CYB5RL: variants seen among roughly 807,000 people sequenced by gnomAD.
CYB5RL encodes NADH-cytochrome b5 reductase-like.
CYB5RL carries 38 observed loss-of-function variants against 37.5 expected under a neutral mutation model. The observed-to-expected ratio is 1.01, with a 90% CI of 0.78 to 1.33. The LOEUF is 1.33. Ranked by LOEUF, CYB5RL falls within the 40% of genes most tolerant of loss-of-function variation. CYB5RL has a pLI of 0.00. For synonymous variants in CYB5RL, 141 were observed against 151.9 expected (o/e 0.93, Z 0.53); for missense variants, 388 against 394.4 (o/e 0.98, Z 0.14).
At chr1:54,176,967 C>G (rs1660035891) in intron 7 of CYB5RL, among the ~76,000 whole-genome samples, 1 of 152,152 alleles carries the variant, frequency 6.6e-6, no homozygotes, top group African/African-American at 2.4e-5. Context: ...TCCTGGCAGG[C>G]AGAATGGCGT....
At chr1:54,199,121 C>T (rs1321676531) in intron 1 of CYB5RL, among the ~76,000 whole-genome samples, 2 of 152,176 alleles carry the variant, frequency 1.3e-5, no homozygotes, top group Non-Finnish European at 2.9e-5. Context: ...TGACTTTTCC[C>T]ACCCCGCAGG....
intron 6 of CYB5RL, chr1:54,180,201 C>T (rs954892880): frequency 8.4e-5 from 34 of 405,822 alleles, no homozygotes; most frequent in African/African-American, 7.2e-4. Context: ...CATGCCACTG[C>T]ACTCCAGCCT....
rs670877 is a variant in CYB5RL, at chr1:54,172,024, A to G, written c.*2595T>C. Reference sequence around the variant, plus strand: ...ACGGAGTGAGGGGAAGAGGAGGCCAACACATTCTAGGTTGGTTACCACTGG... The same window carrying G: ...ACGGAGTGAGGGGAAGAGGAGGCCAGCACATTCTAGGTTGGTTACCACTGG... On this transcript the variant is annotated 3_prime_UTR_variant, in exon 8 of 8. Coordinates refer to ENST00000534324, the MANE Select transcript of CYB5RL (RefSeq NM_001031672.4). 110,978 of 156,658 alleles carry G rather than the reference A, an allele frequency of 0.71. 39,873 individuals carry two copies. The highest frequency in any genetic ancestry group is 0.76 in the Admixed American group (12,697 of 16,630). The allele number at this position is 156,658 out of a possible 1,614,324, so 9.7% of individuals were successfully genotyped here. A position where few individuals can be genotyped will look rare whatever the true frequency, so the allele number is the denominator to read the frequency against.
chr1:54,174,926 T>C, intron 7 of CYB5RL, 104 bp from the exon 8 acceptor site: 2 of 1,207,950 alleles, frequency 1.7e-6, no homozygotes, highest in South Asian at 1.4e-5. Flanking sequence ...AGGCAGAGGG[T>C]GTAGGAAGCC....
chr1:54,181,727 G>C (rs1259794914), intron 6 of CYB5RL, among the ~76,000 whole-genome samples: 1 of 152,224 alleles, frequency 6.6e-6, no homozygotes. Context: ...TGACGTGGGA[G>C]GATCACTTGA....
chr1:54,192,122 G>A (rs146699668), intron 3 of CYB5RL, among the ~76,000 whole-genome samples: 1,600 of 151,382 alleles, frequency 0.011, 53 homozygotes, highest in Admixed American at 0.064. Flanking sequence ...TAAAAAAATT[G>A]GAATATGCTA....
In CYB5RL at chr1:54,187,744, G is replaced by A. The variant is rs749837450; in HGVS notation, c.348-5C>T. 3.1e-6 allele frequency: 5 copies of A among 1,613,346 alleles called. No individual in the cohort carries two copies. Among genetic ancestry groups the A allele is most frequent in the East Asian group, 2.2e-5 (1 of 44,882 alleles). On this transcript the variant is annotated splice_region_variant and splice_polypyrimidine_tract_variant and intron_variant, in intron 4 of 7. Transcript: ENST00000534324. ...TCTAAGTCATCTACTATCCCTCTGA[G>A]AAACAGAAGTGTGCAGTCAGTCAGC...
Position 54,171,940 on chromosome 1 carries a change from TC to T in CYB5RL, c.*2678del, listed in dbSNP as rs528137659. ...TCTTGGCACCAAGGGCACGGCTGGG[TC>T]CCCACCAATGTCCCATGATAAGAGA... is the stretch of plus-strand genomic sequence containing the variant. On this transcript the variant is annotated 3_prime_UTR_variant, in exon 8 of 8. Coordinates refer to ENST00000534324, the MANE Select transcript of CYB5RL (RefSeq NM_001031672.4). 1.2e-3 allele frequency: 198 copies of T among 168,550 alleles called. No individual in the cohort carries two copies. The highest frequency in any genetic ancestry group is 4.6e-3 in the African/African-American group (192 of 42,176). 10.4% of individuals were successfully genotyped at this position (168,550 alleles called of 1,614,324 possible). A position where few individuals can be genotyped will look rare whatever the true frequency, so the allele number is the denominator to read the frequency against.
chr1:54,196,859 A>G (rs1198533069), intron 1 of CYB5RL, among the ~76,000 whole-genome samples: 1 of 152,164 alleles, frequency 6.6e-6, no homozygotes, highest in Non-Finnish European at 1.5e-5. Context: ...TCCAGGTGAG[A>G]TGATATGAGG....
At chr1:54,190,219 A>G (rs1300567574) in intron 4 of CYB5RL, among the ~76,000 whole-genome samples, 2 of 152,196 alleles carry the variant, frequency 1.3e-5, no homozygotes, top group African/African-American at 4.8e-5. Flanking sequence ...AGTGGTAAAG[A>G]GCGTAACTCA....
chr1:54,195,722 G>T lies in CYB5RL; in HGVS notation c.-99-7C>A. ...GCCCTGCTCCTTGGCCAGCCTGGGAGAGGGAAAACATGGGGGTTATTCTCT... is the reference window on the plus strand; with the variant it reads ...GCCCTGCTCCTTGGCCAGCCTGGGATAGGGAAAACATGGGGGTTATTCTCT... On this transcript the variant is annotated splice_region_variant and splice_polypyrimidine_tract_variant and intron_variant, in intron 2 of 7. Transcript: ENST00000534324. The T allele has an allele frequency of 7.7e-7, 1 of 1,304,946 alleles. No homozygotes were observed. The highest frequency in any genetic ancestry group is 1.0e-6 in the Non-Finnish European group (1 of 957,180). The allele number at this position is 1,304,946 out of a possible 1,614,324, so 80.8% of individuals were successfully genotyped here. A position where few individuals can be genotyped will look rare whatever the true frequency, so the allele number is the denominator to read the frequency against.
At chr1:54,184,390 G>A (rs921903282) in intron 5 of CYB5RL, 125 bp from the exon 6 acceptor site, 38 of 777,454 alleles carry the variant, frequency 4.9e-5, no homozygotes, top group South Asian at 1.3e-4. Flanking sequence ...TCATTTAATC[G>A]TCCTCCTTAT....
At position 54,184,226 on chromosome 1, in the gene CYB5RL, A is replaced by G; in HGVS notation, c.475T>C (p.Trp159Arg). The change falls in exon 6 of 8, where the codon TGG becomes CGG. Residue 159 changes from tryptophan (W) to arginine (R), a missense_variant. By Grantham distance (101) the Trp-to-Arg change is moderately radical (BLOSUM62 -3). Coordinates refer to ENST00000534324, the MANE Select transcript of CYB5RL (RefSeq NM_001031672.4). ...MGLMSRYVES[W>R]RVGDTAFWRG... ...CAGAAAGCTGTGTCTCCTACTCTCC[A>G]GGACTCAACATACCGGGACATCAGC... 6.2e-7 allele frequency: 1 copy of G among 1,613,846 alleles called. No homozygotes were observed. The highest frequency in any genetic ancestry group is 8.5e-7 in the Non-Finnish European group (1 of 1,179,838).
In CYB5RL at chr1:54,183,975, CTAAATAAA is replaced by C. The variant is rs199724788; in HGVS notation, c.540+178_540+185del. 2.1e-4 allele frequency: 75 copies of C among 355,680 alleles called. 1 individual carries two copies. The highest frequency in any genetic ancestry group is 7.8e-4 in the Admixed American group (17 of 21,666). The allele number at this position is 355,680 out of a possible 1,614,324, so 22.0% of individuals were successfully genotyped here. On this transcript the variant is annotated intron_variant, in intron 6 of 7. Transcript: ENST00000534324. ...GGGCAACAAGAGCGAAACTCCGTCT[CTAAATAAA>C]TAAATAAATAAATAAATAAATAAGT...
At chr1:54,199,425 G>A (rs1557728667) in intron 1 of CYB5RL, among the ~76,000 whole-genome samples, 1 of 152,306 alleles carries the variant, frequency 6.6e-6, no homozygotes, top group East Asian at 1.9e-4. Context: ...AAAGGGATAG[G>A]AAGTGTGTGT....
Position 54,195,697 on chromosome 1 carries a change from GC to G in CYB5RL, c.-82del. 3 of 1,469,384 alleles carry G rather than the reference GC, an allele frequency of 2.0e-6. No homozygotes were observed. The South Asian group carries it at 4.2e-5, about 21-fold the overall frequency. The allele number at this position is 1,469,384 out of a possible 1,614,324, so 91.0% of individuals were successfully genotyped here. On this transcript the variant is annotated 5_prime_UTR_variant, in exon 3 of 8. An upstream open reading frame in the 5' UTR loses its in-frame stop. Transcript: ENST00000534324. ...AGGCTCTATGAGACCACGGGCGCAG[GC>G]CCTGCTCCTTGGCCAGCCTGGGAGA...
At chr1:54,190,023 A>G (rs78173373) in intron 4 of CYB5RL, among the ~76,000 whole-genome samples, 210 of 152,268 alleles carry the variant, frequency 1.4e-3, no homozygotes, top group African/African-American at 1.7e-3. Context: ...CTATGTGCCA[A>G]TGACTCCCAA....
rs1557721230 is a variant in CYB5RL at position 54,184,231 on chromosome 1, T to A, written c.470A>T (p.Glu157Val). 2 of 1,613,686 alleles carry A rather than the reference T, an allele frequency of 1.2e-6. No individual in the cohort carries two copies. The highest frequency in any genetic ancestry group is 2.7e-5 in the African/African-American group (2 of 74,924). The change falls in exon 6 of 8, where the codon GAG becomes GTG. Residue 157 changes from glutamate to valine, a missense_variant. Transcript: ENST00000534324. ...YQMGLMSRYV[E>V]SWRVGDTAFW... ...AGCTGTGTCTCCTACTCTCCAGGACTCAACATACCGGGACATCAGCCCCAT... is the reference window on the plus strand; with the variant it reads ...AGCTGTGTCTCCTACTCTCCAGGACACAACATACCGGGACATCAGCCCCAT...
intron 3 of CYB5RL, 82 bp from the exon 4 acceptor site, chr1:54,190,978 C>G (rs4927066): frequency 0.58 from 879,512 of 1,511,362 alleles, 257,976 homozygotes; most frequent in Non-Finnish European, 0.6. Flanking sequence ...CCACTGTCCC[C>G]AAGGAGAGGC....
Sources: allele counts gnomAD v4.1 joint callset (sites outside exome capture counted in the v4.1 genomes callset), GRCh38; gene constraint gnomAD v4.1.1; transcripts MANE v1.5; gene names NCBI Gene and HGNC (gene_info 2026-07-23, HGNC 2026-07-21).